The following NCKAP5 variants were observed in gnomAD, a reference collection of about 807,000 sequenced individuals.
NCKAP5 encodes NCK associated protein 5.
Under a neutral mutation model 167.0 loss-of-function variants are expected in NCKAP5, and 92 were observed. The observed-to-expected ratio is 0.55, with a 90% CI of 0.47 to 0.66. The LOEUF (loss-of-function observed/expected upper bound fraction) is 0.66. Ranked by LOEUF, NCKAP5 falls within the 30% of genes least tolerant of loss-of-function variation. The probability of loss-of-function intolerance (pLI) is 0.00; values close to 1 mark genes in which losing one functional copy is unlikely to be tolerated. For synonymous variants in NCKAP5, 891 were observed against 877.4 expected (o/e 1.02, Z -0.27); for missense variants, 2,378 against 2,315.0 (o/e 1.03, Z -0.56).
intron 4 of NCKAP5, among the ~76,000 whole-genome samples, chr2:133,223,026 C>T (rs947558153): frequency 1.6e-4 from 24 of 152,208 alleles, no homozygotes; most frequent in African/African-American, 5.8e-4. Context: ...TCCAGGAACA[C>T]ATTGAATTCC....
At chr2:133,531,253 T>A (rs1440476297) in intron 2 of NCKAP5, among the ~76,000 whole-genome samples, 1 of 152,126 alleles carries the variant, frequency 6.6e-6, no homozygotes, top group Non-Finnish European at 1.5e-5. Flanking sequence ...AACTTATTTA[T>A]TAATAGTTAT....
At chr2:133,354,433 T>G (rs1453663751) in intron 3 of NCKAP5, among the ~76,000 whole-genome samples, 1 of 152,124 alleles carries the variant, frequency 6.6e-6, no homozygotes, top group African/African-American at 2.4e-5. Flanking sequence ...GTTCTCTTTT[T>G]GATTCTTGCC....
chr2:132,926,739 T>C (rs931264656), intron 8 of NCKAP5, among the ~76,000 whole-genome samples: 14 of 152,200 alleles, frequency 9.2e-5, no homozygotes, highest in African/African-American at 3.1e-4. Flanking sequence ...GGATTTTTGT[T>C]GCTGTTGTTG....
At chr2:133,453,284 A>G (rs1409382777) in intron 3 of NCKAP5, among the ~76,000 whole-genome samples, 1 of 152,184 alleles carries the variant, frequency 6.6e-6, no homozygotes. Context: ...ATTTCAAGAT[A>G]CTTATAGAAC....
intron 11 of NCKAP5, among the ~76,000 whole-genome samples, chr2:132,810,620 AT>A (rs1685792053): frequency 6.6e-6 from 1 of 151,978 alleles, no homozygotes; most frequent in African/African-American, 2.4e-5. Flanking sequence ...AGTTTCCTGA[AT>A]TTTTCGTTGT....
Position 132,783,367 on chromosome 2 carries a change from C to T in NCKAP5, c.3444G>A (p.Val1148=), listed in dbSNP as rs766868213. Residue 1148 remains valine, a synonymous_variant, in exon 14 of 20, where the codon GTG becomes GTA. Transcript: ENST00000409261. ...GAGACTTCATGAGCACTTTGAGTCCCACTGGAAGGCGAGTTTTCAGTCCTT... is the reference window on the plus strand; with the variant it reads ...GAGACTTCATGAGCACTTTGAGTCCTACTGGAAGGCGAGTTTTCAGTCCTT... ...HEKGLKTRLP[V]GLKVLMKSPQ... is the part of the protein sequence containing the mutation. 7 of 1,609,436 alleles carry T rather than the reference C, an allele frequency of 4.3e-6. No individual in the cohort carries two copies. Among genetic ancestry groups the T allele is most frequent in the Non-Finnish European group, 5.1e-6 (6 of 1,178,044 alleles).
chr2:132,936,526 AT>A (rs1290304948), intron 8 of NCKAP5, among the ~76,000 whole-genome samples: 1 of 152,144 alleles, frequency 6.6e-6, no homozygotes, highest in Non-Finnish European at 1.5e-5. Context: ...TTACACGTTT[AT>A]TTTTCAACAC....
rs114925118 is a variant in NCKAP5, at chr2:133,257,689, T to C, written c.144-43910A>G. Among the ~76,000 whole-genome samples the C allele has an allele frequency of 4.4e-3, 663 of 152,282 alleles. 3 individuals carry two copies. The highest frequency in any genetic ancestry group is 0.015 in the African/African-American group (610 of 41,554). ...GGCCAGATGCTTAACTTTGTGTACA[T>C]AGACAAAGGAGAACATGAAGATTGT... On this transcript the variant is annotated intron_variant, in intron 4 of 19. Transcript: ENST00000409261.
chr2:132,724,022 G>A (rs536319910), intron 19 of NCKAP5, among the ~76,000 whole-genome samples: 1 of 152,190 alleles, frequency 6.6e-6, no homozygotes, highest in East Asian at 1.9e-4. Context: ...GCAGCAACAT[G>A]CGAGCCTCCT....
At chr2:133,121,021 GAACA>G (rs2082233744) in intron 6 of NCKAP5, among the ~76,000 whole-genome samples, 2 of 152,018 alleles carry the variant, frequency 1.3e-5, no homozygotes. Context: ...AGGAACAGGG[GAACA>G]AACAATGTCC....
chr2:133,605,413 G>A, the NCKAP5 span, among the ~76,000 whole-genome samples: 1 of 152,180 alleles, frequency 6.6e-6, no homozygotes, highest in Non-Finnish European at 1.5e-5. Flanking sequence ...AACCGAGGCT[G>A]TGGTCCCCGA....
chr2:133,510,140 C>T (rs1188076881), intron 3 of NCKAP5, among the ~76,000 whole-genome samples: 1 of 152,104 alleles, frequency 6.6e-6, no homozygotes, highest in South Asian at 2.1e-4. Flanking sequence ...GCTGCTGACC[C>T]TCTACTCACC....
intron 11 of NCKAP5, among the ~76,000 whole-genome samples, chr2:132,828,567 G>T (rs912454751): frequency 9.9e-5 from 15 of 152,122 alleles, no homozygotes; most frequent in African/African-American, 3.6e-4. Flanking sequence ...ACAGCCTGTG[G>T]AACTGTGAGC....
intron 5 of NCKAP5, among the ~76,000 whole-genome samples, chr2:133,159,248 C>T (rs1425350451): frequency 1.3e-5 from 2 of 152,034 alleles, no homozygotes; most frequent in Non-Finnish European, 2.9e-5. Flanking sequence ...GAGGTTGGTC[C>T]CCGGTTAAAA....
intron 11 of NCKAP5, among the ~76,000 whole-genome samples, chr2:132,843,007 A>C (rs1241951019): frequency 6.6e-6 from 1 of 152,226 alleles, no homozygotes; most frequent in Non-Finnish European, 1.5e-5. Context: ...ATTTCCAAGC[A>C]GTAAACATTT....
At chr2:132,974,144 T>C (rs1408240180) in intron 7 of NCKAP5, among the ~76,000 whole-genome samples, 2 of 152,182 alleles carry the variant, frequency 1.3e-5, no homozygotes, top group East Asian at 3.8e-4. Flanking sequence ...CTAAAGTACT[T>C]AGTTTTTTAA....
At chr2:132,749,678 G>A (rs571814217) in intron 16 of NCKAP5, among the ~76,000 whole-genome samples, 1 of 151,912 alleles carries the variant, frequency 6.6e-6, no homozygotes. Flanking sequence ...GTCTTTGAAA[G>A]CAAGAGTGTT....
intron 16 of NCKAP5, among the ~76,000 whole-genome samples, chr2:132,755,868 A>ATAATAATAATAT (rs1680508461): frequency 1.3e-5 from 2 of 149,018 alleles, no homozygotes; most frequent in African/African-American, 4.9e-5. Context: ...AATAATAATA[A>ATAATAATAATAT]TAATAATAAT....
intron 1 of NCKAP5, among the ~76,000 whole-genome samples, chr2:133,559,447 T>A (rs111883690): frequency 0.024 from 3,715 of 152,242 alleles, 56 homozygotes; most frequent in Non-Finnish European, 0.029. Context: ...GCTTCCTGAG[T>A]AGCTGAGACT....
Sources: gnomAD v4.1 joint callset for allele counts (sites outside exome capture counted in the v4.1 genomes callset) on GRCh38, gnomAD v4.1.1 for gene constraint, MANE v1.5 for transcripts, NCBI Gene and HGNC (gene_info 2026-07-23, HGNC 2026-07-21) for gene names.